The following MANEAL variants were observed in gnomAD, a reference collection of about 807,000 sequenced individuals.
The protein encoded by MANEAL is glycoprotein endo-alpha-1,2-mannosidase-like protein.
In MANEAL, 28 loss-of-function variants were observed where a neutral mutation model predicts 35.9. The ratio of observed to expected loss-of-function variants is 0.78; its 90% CI spans 0.58 to 1.07. The LOEUF is 1.07. Ranked by LOEUF, MANEAL falls within the 50% of genes least tolerant of loss-of-function variation. The pLI is 0.00. For synonymous variants in MANEAL, 286 were observed against 272.2 expected, an observed-to-expected ratio of 1.05 and a Z score of -0.50; for missense variants, 576 against 629.6, an observed-to-expected ratio of 0.91 and a Z score of 0.91.
intron 3 of MANEAL, among the ~76,000 whole-genome samples, chr1:37,798,622 A>C (rs1203550640): frequency 6.6e-6 from 1 of 151,828 alleles, no homozygotes; most frequent in Non-Finnish European, 1.5e-5. Context: ...TGTCCCAGCT[A>C]TTTGGGGGGC....
In MANEAL at chr1:37,794,084, C is replaced by A. The variant is rs926426014; in HGVS notation, c.-99C>A. Reference sequence around the variant, plus strand: ...GGGCGCCGCCCACGCCGCGCTCTGCCGGGCGCACAGTCTGCCTGGGAAGCG... The same window carrying A: ...GGGCGCCGCCCACGCCGCGCTCTGCAGGGCGCACAGTCTGCCTGGGAAGCG... On this transcript the variant is annotated 5_prime_UTR_variant, in exon 1 of 4. Transcript: ENST00000373045. This position sits in a 1 kb window ranked among gnomAD's most constrained non-coding sequence, Gnocchi z 5.7. 3 of 837,178 alleles carry A rather than the reference C, an allele frequency of 3.6e-6. No homozygotes were observed. The highest frequency in any genetic ancestry group is 1.8e-5 in the African/African-American group (1 of 54,280). 51.9% of individuals were successfully genotyped at this position (837,178 alleles called of 1,614,324 possible).
intron 2 of MANEAL, 141 bp downstream of exon 2, chr1:37,795,987 G>T: frequency 1.5e-6 from 1 of 686,422 alleles, no homozygotes; most frequent in Non-Finnish European, 2.4e-6. Flanking sequence ...GTGGTTTTGG[G>T]GGAGGGTTCA....
rs756158384 is a variant in MANEAL, at chr1:37,800,176, C to G, written c.1347C>G (p.Ile449Met). The change falls in exon 4 of 4, where the codon ATC (isoleucine) becomes ATG (methionine). Residue 449 changes from isoleucine (I) to methionine (M), a missense_variant. Around this residue, in one of 3 missense-constraint regions of MANEAL, gnomAD observed 449 missense variants for 516.1 expected, o/e 0.87. Transcript: ENST00000373045. ...CACGCCGCTGGGCGGAGCACTTCAT[C>G]AAAGAGAAGGAGCAGTGGCTCATGT... Reference protein sequence around the residue: ...ELTRRWAEHFIKEKEQWLM With the variant: ...ELTRRWAEHFMKEKEQWLM 6.2e-7 allele frequency: 1 copy of G among 1,613,658 alleles called. No individual in the cohort carries two copies. The highest frequency in any genetic ancestry group is 1.1e-5 in the South Asian group (1 of 91,082).
Position 37,799,550 on chromosome 1 carries a change from T to C in MANEAL, c.738-17T>C, listed in dbSNP as rs766616213. ...GGTCTCTCCCATCCAGCTGAGGCTC[T>C]TCTTTCTCCTTCTCAGGTATGGCTC... On this transcript the variant is annotated splice_polypyrimidine_tract_variant and intron_variant, in intron 3 of 3. Coordinates refer to ENST00000373045, the MANE Select transcript of MANEAL (RefSeq NM_001113482.2). This position sits in a 1 kb window ranked among gnomAD's most constrained non-coding sequence, Gnocchi z 4.1. 50 of 1,607,046 alleles carry C rather than the reference T, an allele frequency of 3.1e-5. No homozygotes were observed. Among genetic ancestry groups the C allele is most frequent in the Non-Finnish European group, 4.2e-5 (49 of 1,176,134 alleles).
At chr1:37,797,463 G>A (rs1198495249) in intron 3 of MANEAL, among the ~76,000 whole-genome samples, 1 of 63,198 alleles carries the variant, frequency 1.6e-5, no homozygotes, top group Non-Finnish European at 3.1e-5. Flanking sequence ...TAATGCCAGT[G>A]CTTTTTTTTT....
At chr1:37,795,534 C>A in intron 1 of MANEAL, 1 of 1,395,904 alleles carries the variant, frequency 7.2e-7, no homozygotes, top group Non-Finnish European at 9.3e-7. Context: ...ACGGTTCCCG[C>A]AGGCGCTCCG....
chr1:37,800,151 C>CA lies in MANEAL; in HGVS notation c.1323dup (p.Arg442ThrfsTer21). 1 of 1,613,980 alleles carries CA rather than the reference C, an allele frequency of 6.2e-7. No individual in the cohort carries two copies. Among genetic ancestry groups the CA allele is most frequent in the Non-Finnish European group, 8.5e-7 (1 of 1,180,042 alleles). On this transcript the variant is annotated frameshift_variant, in exon 4 of 4. Transcript: ENST00000373045. LOFTEE classifies it high-confidence loss of function. ...CAGCCCAGCCTGTACCTGGAGCTGA[C>CA]ACGCCGCTGGGCGGAGCACTTCATC...
chr1:37,800,083 CAAG>C lies in MANEAL; in HGVS notation c.1259_1261del (p.Lys420del), dbSNP rs1646684330. On this transcript the variant is annotated inframe_deletion, in exon 4 of 4. Coordinates refer to ENST00000373045, the MANE Select transcript of MANEAL (RefSeq NM_001113482.2). ...GCACCCAGATTGAGAAGGCCATTCC[CAAG>C]AAGACACCCACCCGCCTGTATTTGG... is the stretch of plus-strand genomic sequence containing the variant. 1.2e-6 allele frequency: 2 copies of C among 1,613,874 alleles called. No individual in the cohort carries two copies. The highest frequency in any genetic ancestry group is 1.7e-6 in the Non-Finnish European group (2 of 1,180,042).
chr1:37,800,144 G>A lies in MANEAL; in HGVS notation c.1315G>A (p.Glu439Lys). The A allele has an allele frequency of 6.2e-7, 1 of 1,613,966 alleles. No individual in the cohort carries two copies. Among genetic ancestry groups the A allele is most frequent in the Non-Finnish European group, 8.5e-7 (1 of 1,180,038 alleles). Residue 439 changes from glutamate (E) to lysine (K), a missense_variant, in exon 4 of 4, where the codon GAG (glutamate) becomes AAG (lysine). This residue lies in a region of MANEAL where 449 missense variants were observed against 516.1 expected (regional missense o/e 0.87). Transcript: ENST00000373045. ...YLPHQPSLYLELTRRWAEHFI... is the reference protein window; with the variant it reads ...YLPHQPSLYLKLTRRWAEHFI... ...GCCTCACCAGCCCAGCCTGTACCTGGAGCTGACACGCCGCTGGGCGGAGCA... is the reference window on the plus strand; with the variant it reads ...GCCTCACCAGCCCAGCCTGTACCTGAAGCTGACACGCCGCTGGGCGGAGCA...
intron 3 of MANEAL, among the ~76,000 whole-genome samples, chr1:37,797,089 T>C (rs1490655288): frequency 6.6e-6 from 1 of 152,322 alleles, no homozygotes; most frequent in African/African-American, 2.4e-5. Context: ...GCTTCTACAA[T>C]GTAGGCACCT....
At chr1:37,796,255 CG>C (rs1452686085) in intron 2 of MANEAL, among the ~76,000 whole-genome samples, 1 of 152,018 alleles carries the variant, frequency 6.6e-6, no homozygotes, top group East Asian at 1.9e-4. Context: ...AGAGGAAGGA[CG>C]GACTGGACGA....
chr1:37,798,625 T>C (rs1264093894), intron 3 of MANEAL, among the ~76,000 whole-genome samples: 1 of 151,884 alleles, frequency 6.6e-6, no homozygotes, highest in East Asian at 1.9e-4. Context: ...CCCAGCTATT[T>C]GGGGGGCTGA....
rs750096506 is a variant in MANEAL at position 37,800,068 on chromosome 1, T to C, written c.1239T>C (p.Ile413=). The change falls in exon 4 of 4, where the codon ATT becomes ATC. Residue 413 remains isoleucine, a synonymous_variant. Transcript: ENST00000373045. ...ATGAGTGGCACGAGGGCACCCAGAT[T>C]GAGAAGGCCATTCCCAAGAAGACAC... ...SFNEWHEGTQ[I]EKAIPKKTPT... The C allele has an allele frequency of 6.2e-7, 1 of 1,613,998 alleles. No homozygotes were observed. Among genetic ancestry groups the C allele is most frequent in the South Asian group, 1.1e-5 (1 of 91,066 alleles).
Position 37,799,710 on chromosome 1 carries a change from A to G in MANEAL, c.881A>G (p.Asn294Ser), listed in dbSNP as rs765742677. The G allele has an allele frequency of 6.8e-6, 11 of 1,614,110 alleles. No individual in the cohort carries two copies. Among genetic ancestry groups the G allele is most frequent in the South Asian group, 1.1e-5 (1 of 91,084 alleles). ...CCAAACGGGCCCCATTCGATCCGCA[A>G]CACGCCCTACGATGGGGTCTTCATA... ...LTPNGPHSIR[N>S]TPYDGVFIAL... is the part of the protein sequence containing the mutation. Residue 294 changes from asparagine to serine, a missense_variant, in exon 4 of 4, where the codon AAC becomes AGC. Coordinates refer to ENST00000373045, the MANE Select transcript of MANEAL (RefSeq NM_001113482.2). The surrounding 1 kb of genome is among the most constrained non-coding windows in gnomAD (Gnocchi z 4.1).
At position 37,794,806 on chromosome 1, in the gene MANEAL, T is replaced by C. The variant is rs1646631163; in HGVS notation, c.550+74T>C. On this transcript the variant is annotated intron_variant, in intron 1 of 3. Coordinates refer to ENST00000373045, the MANE Select transcript of MANEAL (RefSeq NM_001113482.2). This position sits in a 1 kb window ranked among gnomAD's most constrained non-coding sequence, Gnocchi z 5.7. Reference sequence around the variant, plus strand: ...CTCCTTCCCACACCCCAGCTCCCTCTGGTCCTGTCACCGGCCCTTTGGTCC... The same window carrying C: ...CTCCTTCCCACACCCCAGCTCCCTCCGGTCCTGTCACCGGCCCTTTGGTCC... 4 of 993,866 alleles carry C rather than the reference T, an allele frequency of 4.0e-6. No individual in the cohort carries two copies. Among genetic ancestry groups the C allele is most frequent in the South Asian group, 1.5e-5 (1 of 64,564 alleles). 61.6% of individuals were successfully genotyped at this position (993,866 alleles called of 1,614,324 possible).
intron 2 of MANEAL, among the ~76,000 whole-genome samples, chr1:37,796,484 A>C (rs1646646085): frequency 6.6e-6 from 1 of 152,226 alleles, no homozygotes; most frequent in Admixed American, 6.5e-5. Flanking sequence ...TGGAGCTGGC[A>C]CAAGGTTGAA....
At position 37,794,134 on chromosome 1, in the gene MANEAL, G is replaced by C. The variant is rs1451681023; in HGVS notation, c.-49G>C. On this transcript the variant is annotated 5_prime_UTR_variant, in exon 1 of 4. Transcript: ENST00000373045. The surrounding 1 kb of genome is among the most constrained non-coding windows in gnomAD (Gnocchi z 5.7). ...GCGCGGCCGGGCGGGCGGCCATGGC[G>C]CGGCACGCTGGGAGGTAGCGCGGCG... 1.8e-6 allele frequency: 2 copies of C among 1,105,622 alleles called. No homozygotes were observed. The highest frequency in any genetic ancestry group is 5.3e-5 in the East Asian group (1 of 18,722). The allele number at this position is 1,105,622 out of a possible 1,614,324, so 68.5% of individuals were successfully genotyped here. A position where few individuals can be genotyped will look rare whatever the true frequency, so the allele number is the denominator to read the frequency against.
Position 37,797,285 on chromosome 1 carries a change from C to G in MANEAL, c.737+465C>G, listed in dbSNP as rs1057123160. The stretch of plus-strand genomic sequence containing the variant: ...GCGTGGTGGCGCACACCTGTAATCC[C>G]AGCTATTCAGGAGGCTGAGGCAGGA... On this transcript the variant is annotated intron_variant, in intron 3 of 3. Transcript: ENST00000373045. 3.3e-5 allele frequency among the ~76,000 whole-genome samples: 5 copies of G among 151,934 alleles called. No homozygotes were observed. In the East Asian group the frequency reaches 9.9e-4, roughly 30 times the overall value.
chr1:37,800,346 C>A lies in MANEAL; in HGVS notation c.*143C>A. Reference sequence around the variant, plus strand: ...GGGTGTTTCTGGGTGGGCCGTCAGGCATGGGCCTGTGCAACACAGAGCCCG... The same window carrying A: ...GGGTGTTTCTGGGTGGGCCGTCAGGAATGGGCCTGTGCAACACAGAGCCCG... On this transcript the variant is annotated 3_prime_UTR_variant, in exon 4 of 4. Transcript: ENST00000373045. The A allele has an allele frequency of 2.0e-6, 2 of 987,728 alleles. No individual in the cohort carries two copies. Among genetic ancestry groups the A allele is most frequent in the Non-Finnish European group, 3.0e-6 (2 of 677,102 alleles). The allele number at this position is 987,728 out of a possible 1,614,324, so 61.2% of individuals were successfully genotyped here. A position where few individuals can be genotyped will look rare whatever the true frequency, so the allele number is the denominator to read the frequency against.
Sources: gnomAD v4.1 joint callset for allele counts (sites outside exome capture counted in the v4.1 genomes callset) on GRCh38, gnomAD v4.1.1 for gene constraint, gnomAD v4.1.1 regional missense constraint, Gnocchi (gnomAD v3.1) non-coding constraint, MANE v1.5 for transcripts, NCBI Gene and HGNC (gene_info 2026-07-23, HGNC 2026-07-21) for gene names.